ATG16L1: variants seen among roughly 807,000 people sequenced by gnomAD.
ATG16L1 encodes autophagy-related protein 16-1.
Under a neutral mutation model 88.5 loss-of-function variants are expected in ATG16L1, and 37 were observed. The ratio of observed to expected loss-of-function variants is 0.42; its 90% CI spans 0.32 to 0.55. ATG16L1 has a LOEUF of 0.55. ATG16L1 is among the 20% of genes least tolerant of loss of function. The probability of loss-of-function intolerance (pLI) is 0.13; values close to 1 mark genes in which losing one functional copy is unlikely to be tolerated. For synonymous variants in ATG16L1, 301 were observed against 281.0 expected, an observed-to-expected ratio of 1.07 and a Z score of -0.71; for missense variants, 554 against 752.8, an observed-to-expected ratio of 0.74 and a Z score of 3.09.
chr2:233,277,611 G>C lies in ATG16L1; in HGVS notation c.998G>C (p.Gly333Ala), dbSNP rs1366578843. The change falls in exon 10 of 18, where the codon GGT becomes GCT. Residue 333 changes from glycine to alanine, a missense_variant. By Grantham distance (60) the Gly-to-Ala change is moderately conservative. Coordinates refer to ENST00000392017, the MANE Select transcript of ATG16L1 (RefSeq NM_030803.7). ...GEVNAVQFSP[G>A]SRLLATGGMD... is the part of the protein sequence containing the mutation. ...GTCAACGCTGTGCAGTTCAGTCCAG[G>C]TTCCCGGTTACTGGCCACTGGAGGC... 2 of 1,614,014 alleles carry C rather than the reference G, an allele frequency of 1.2e-6. No homozygotes were observed. The highest frequency in any genetic ancestry group is 2.7e-5 in the African/African-American group (2 of 74,924).
At chr2:233,258,501 A>G (rs1696972616) in intron 2 of ATG16L1, among the ~76,000 whole-genome samples, 1 of 152,232 alleles carries the variant, frequency 6.6e-6, no homozygotes, top group Admixed American at 6.5e-5. Context: ...TGTAGTACTT[A>G]AGATATTAGT....
intron 12 of ATG16L1, chr2:233,288,728 CCA>C (rs745582765): frequency 1.9e-6 from 1 of 516,670 alleles, no homozygotes; most frequent in South Asian, 1.4e-5. Flanking sequence ...TCCCGGCATC[CCA>C]GTTATCCCCA....
At chr2:233,273,158 C>A (rs1698106812) in intron 7 of ATG16L1, 106 bp downstream of exon 7, 1 of 897,284 alleles carries the variant, frequency 1.1e-6, no homozygotes, top group Non-Finnish European at 1.8e-6. Flanking sequence ...AACCCCTTAC[C>A]CCTTTTCTGG....
intron 1 of ATG16L1, among the ~76,000 whole-genome samples, chr2:233,254,485 G>A (rs548651058): frequency 1.6e-4 from 24 of 152,224 alleles, no homozygotes; most frequent in South Asian, 6.2e-4. Context: ...TGTTCAGTCC[G>A]TGCCTTTGAG....
At chr2:233,259,936 C>G (rs879661159) in intron 2 of ATG16L1, among the ~76,000 whole-genome samples, 4 of 152,120 alleles carry the variant, frequency 2.6e-5, no homozygotes, top group Non-Finnish European at 4.4e-5. Flanking sequence ...CTCCTGTGAC[C>G]GTAGTGTGGG....
chr2:233,274,824 CAG>C (rs759380977), intron 9 of ATG16L1, 46 bp downstream of exon 9: 1 of 1,384,084 alleles, frequency 7.2e-7, no homozygotes, highest in Non-Finnish European at 1.0e-6. Flanking sequence ...GATATGGTGA[CAG>C]AGCCTGGCAA....
At chr2:233,293,481 C>G in intron 17 of ATG16L1, 124 bp downstream of exon 17, 1 of 851,564 alleles carries the variant, frequency 1.2e-6, no homozygotes, top group Non-Finnish European at 1.9e-6. Flanking sequence ...ACCTGCTCGG[C>G]TGGCTGAGCT....
intron 12 of ATG16L1, chr2:233,289,043 A>G: frequency 4.9e-6 from 2 of 408,000 alleles, no homozygotes; most frequent in South Asian, 3.8e-5. Flanking sequence ...TCTGACTTTA[A>G]ATATGGAACT....
At position 233,294,943 on chromosome 2, in the gene ATG16L1, A is replaced by G. The variant is rs971961018; in HGVS notation, c.*593A>G. 1.3e-5 allele frequency: 2 copies of G among 152,260 alleles called. No homozygotes were observed. The highest frequency in any genetic ancestry group is 4.8e-5 in the African/African-American group (2 of 41,368). 9.4% of individuals were successfully genotyped at this position (152,260 alleles called of 1,614,324 possible). On this transcript the variant is annotated 3_prime_UTR_variant, in exon 18 of 18. Coordinates refer to ENST00000392017, the MANE Select transcript of ATG16L1 (RefSeq NM_030803.7). Reference sequence around the variant, plus strand: ...TTTCTGGCTCTCTTTCCCCCACAAAATTCGACATATTTAAAAATCTCCGTG... The same window carrying G: ...TTTCTGGCTCTCTTTCCCCCACAAAGTTCGACATATTTAAAAATCTCCGTG...
chr2:233,286,643 T>TTTTTTTTTTTTTTTTTG (rs1553608374), intron 12 of ATG16L1, among the ~76,000 whole-genome samples: 26 of 138,920 alleles, frequency 1.9e-4, no homozygotes, highest in African/African-American at 5.0e-4. Flanking sequence ...TTTTTTTTTT[T>TTTTTTTTTTTTTTTTTG]GAGACAGTGT....
rs144851585 is a variant in ATG16L1 at position 233,265,241 on chromosome 2, G to A, written c.641+98G>A. 5.6e-4 allele frequency: 803 copies of A among 1,433,366 alleles called. 4 individuals carry two copies. In the African/African-American group the frequency reaches 9.1e-3, roughly 16 times the overall value. The allele number at this position is 1,433,366 out of a possible 1,614,324, so 88.8% of individuals were successfully genotyped here. ...ATAAACCTGGCAGTTACTACAGGAG[G>A]TTTACCAGGGAATTCTTTCAGTGTT... On this transcript the variant is annotated intron_variant, in intron 5 of 17. Transcript: ENST00000392017.
intron 5 of ATG16L1, among the ~76,000 whole-genome samples, chr2:233,267,084 G>A (rs111449952): frequency 6.6e-6 from 1 of 152,088 alleles, no homozygotes; most frequent in African/African-American, 2.4e-5. Context: ...GTGTGGTGGC[G>A]CACACTGTAA....
chr2:233,274,688 C>G lies in ATG16L1; in HGVS notation c.864C>G (p.Val288=), dbSNP rs185910877. 135 of 1,609,078 alleles carry G rather than the reference C, an allele frequency of 8.4e-5. No homozygotes were observed. The highest frequency in any genetic ancestry group is 1.7e-4 in the Admixed American group (10 of 60,002). The change falls in exon 9 of 18, where the codon GTC becomes GTG. Residue 288 remains valine (V), a synonymous_variant. Transcript: ENST00000392017. ...TGTTATTTCTTAGGAGACGCTCTGTCTCTTCCTTCCCAGTCCCCCAGGACA... is the reference window on the plus strand; with the variant it reads ...TGTTATTTCTTAGGAGACGCTCTGTGTCTTCCTTCCCAGTCCCCCAGGACA... ...SITNIFGRRS[V]SSFPVPQDNV...
chr2:233,272,590 G>C (rs1698067808), intron 6 of ATG16L1, among the ~76,000 whole-genome samples: 1 of 152,144 alleles, frequency 6.6e-6, no homozygotes, highest in African/African-American at 2.4e-5. Context: ...TGCTTGGTGA[G>C]TACTGCAGCC....
At chr2:233,261,843 A>G (rs2125217618) in intron 2 of ATG16L1, among the ~76,000 whole-genome samples, 2 of 152,344 alleles carry the variant, frequency 1.3e-5, no homozygotes, top group South Asian at 4.1e-4. Flanking sequence ...TATTATGCAA[A>G]CACTTGGCAA....
In ATG16L1 at chr2:233,294,474, A is replaced by G; in HGVS notation, c.*124A>G. On this transcript the variant is annotated 3_prime_UTR_variant, in exon 18 of 18. Transcript: ENST00000392017. ...TGGACCTCCCAGAGAAGCTCAAGCT[A>G]TGTGGCACTGTAGCTTTGCCGTGAA... The G allele has an allele frequency of 1.6e-6, 1 of 644,262 alleles. No individual in the cohort carries two copies. Among genetic ancestry groups the G allele is most frequent in the Non-Finnish European group, 2.6e-6 (1 of 384,950 alleles). 39.9% of individuals were successfully genotyped at this position (644,262 alleles called of 1,614,324 possible). A position where few individuals can be genotyped will look rare whatever the true frequency, so the allele number is the denominator to read the frequency against.
chr2:233,272,392 A>G (rs1698055809), intron 6 of ATG16L1, among the ~76,000 whole-genome samples: 1 of 152,252 alleles, frequency 6.6e-6, no homozygotes. Flanking sequence ...AAAAATGCAT[A>G]GTGTTTAAAT....
chr2:233,290,463 T>A, intron 14 of ATG16L1, 110 bp downstream of exon 14: 1 of 860,814 alleles, frequency 1.2e-6, no homozygotes, highest in Non-Finnish European at 2.0e-6. Flanking sequence ...TGAGTTTCGG[T>A]ACACGTATAG....
rs756788551 is a variant in ATG16L1 at position 233,294,277 on chromosome 2, C to T, written c.1751C>T (p.Ala584Val). The T allele has an allele frequency of 2.5e-6, 4 of 1,608,738 alleles. No homozygotes were observed. The highest frequency in any genetic ancestry group is 3.4e-6 in the Non-Finnish European group (4 of 1,177,664). Residue 584 changes from alanine to valine, a missense_variant, in exon 18 of 18, where the codon GCG (alanine) becomes GTG (valine). By Grantham distance (64) the Ala-to-Val change is moderately conservative (BLOSUM62 0). Around this residue, in one of 5 missense-constraint regions of ATG16L1, gnomAD observed 370 missense variants for 509.7 expected, o/e 0.73. Coordinates refer to ENST00000392017, the MANE Select transcript of ATG16L1 (RefSeq NM_030803.7). The part of the protein sequence containing the change: ...KQHSSSINAV[A>V]WSPSGSHVVS... Reference sequence around the variant, plus strand: ...TGAAGCTCATCCATCAATGCGGTGGCGTGGTCGCCCTCTGGCTCGCACGTT... The same window carrying T: ...TGAAGCTCATCCATCAATGCGGTGGTGTGGTCGCCCTCTGGCTCGCACGTT...
Sources: gnomAD v4.1 joint callset for allele counts (sites outside exome capture counted in the v4.1 genomes callset) on GRCh38, gnomAD v4.1.1 for gene constraint, gnomAD v4.1.1 regional missense constraint, MANE v1.5 for transcripts, NCBI Gene and HGNC (gene_info 2026-07-23, HGNC 2026-07-21) for gene names.